Variants in UTRN observed in about 807,000 individuals in gnomAD.
UTRN encodes dystrophin-related protein 1.
A neutral mutation model predicts 463.9 loss-of-function variants in UTRN; 283 were observed. The ratio of observed to expected loss-of-function variants is 0.61; its 90% CI spans 0.55 to 0.67. The LOEUF (loss-of-function observed/expected upper bound fraction) is 0.67. UTRN is among the 30% of genes least tolerant of loss of function. The pLI, the probability that UTRN is intolerant of heterozygous loss-of-function variation, is 0.00. For synonymous variants in UTRN, 1,442 were observed against 1,431.5 expected (o/e 1.01, Z -0.17); for missense variants, 3,922 against 4,084.3 (o/e 0.96, Z 1.08).
At chr6:144,542,952 G>T (rs1173260195) in intron 46 of UTRN, 82 bp downstream of exon 46, 2 of 1,120,402 alleles carry the variant, frequency 1.8e-6, no homozygotes, top group East Asian at 2.6e-5. Flanking sequence ...ACATGAATTA[G>T]AAAGACTTAG....
intron 46 of UTRN, among the ~76,000 whole-genome samples, chr6:144,545,494 A>C (rs1298308588): frequency 6.6e-6 from 1 of 152,206 alleles, no homozygotes; most frequent in Non-Finnish European, 1.5e-5. Flanking sequence ...TGTTTCAAAC[A>C]TGCCAAGAAC....
At chr6:144,765,872 A>G (rs1054499186) in intron 58 of UTRN, among the ~76,000 whole-genome samples, 1 of 151,462 alleles carries the variant, frequency 6.6e-6, no homozygotes, top group Non-Finnish European at 1.5e-5. Context: ...ATCTTATTTG[A>G]ATTTTGGACA....
At chr6:144,712,271 C>T (rs901509638) in intron 53 of UTRN, among the ~76,000 whole-genome samples, 6 of 152,158 alleles carry the variant, frequency 3.9e-5, no homozygotes, top group Non-Finnish European at 8.8e-5. Flanking sequence ...CTGCACCTAC[C>T]TGCAACACCC....
At chr6:144,496,349 T>A (rs1349437645) in intron 33 of UTRN, among the ~76,000 whole-genome samples, 1 of 152,176 alleles carries the variant, frequency 6.6e-6, no homozygotes, top group Non-Finnish European at 1.5e-5. Context: ...GTGATTTTGA[T>A]CTCACTTCTG....
chr6:144,609,920 C>T (rs1382017946), intron 51 of UTRN, among the ~76,000 whole-genome samples: 1 of 151,844 alleles, frequency 6.6e-6, no homozygotes, highest in Non-Finnish European at 1.5e-5. Context: ...TTATGGGATG[C>T]AGCAAAATTA....
intron 63 of UTRN, among the ~76,000 whole-genome samples, chr6:144,795,264 T>G (rs759155234): frequency 2.0e-5 from 3 of 152,206 alleles, no homozygotes; most frequent in Non-Finnish European, 4.4e-5. Context: ...GTTTATCCAG[T>G]GTATCATTGA....
At position 144,440,426 on chromosome 6, in the gene UTRN, A is replaced by G. The variant is rs1430363556; in HGVS notation, c.1467A>G (p.Glu489=). 6.2e-6 allele frequency: 10 copies of G among 1,614,218 alleles called. No homozygotes were observed. Among genetic ancestry groups the G allele is most frequent in the Non-Finnish European group, 8.5e-6 (10 of 1,180,034 alleles). ...SLTHMVVIVD[E]NSGESATAIL... ...CTCACATGGTGGTCATTGTTGATGAAAACAGTGGTGAGAGTGCTACAGCTA... is the reference window on the plus strand; with the variant it reads ...CTCACATGGTGGTCATTGTTGATGAGAACAGTGGTGAGAGTGCTACAGCTA... The change falls in exon 13 of 75, where the codon GAA becomes GAG. Residue 489 remains glutamate, a synonymous_variant. Coordinates refer to ENST00000367545, the MANE Select transcript of UTRN (RefSeq NM_007124.3).
At chr6:144,644,207 C>A (rs1213116950) in intron 51 of UTRN, among the ~76,000 whole-genome samples, 1 of 152,164 alleles carries the variant, frequency 6.6e-6, no homozygotes. Flanking sequence ...AATCCTTATC[C>A]TCTTATGCCA....
At chr6:144,826,034 T>TA (rs1288556509) in intron 66 of UTRN, among the ~76,000 whole-genome samples, 1 of 148,602 alleles carries the variant, frequency 6.7e-6, no homozygotes, top group Non-Finnish European at 1.5e-5. Context: ...CATTAGGAGA[T>TA]ATACCTAATG....
intron 63 of UTRN, 81 bp downstream of exon 63, chr6:144,794,072 C>A: frequency 6.5e-7 from 1 of 1,527,778 alleles, no homozygotes. Context: ...ATAGGGAACT[C>A]GGGCTGGAGC....
intron 34 of UTRN, among the ~76,000 whole-genome samples, chr6:144,510,217 G>T (rs917881297): frequency 6.6e-6 from 1 of 152,100 alleles, no homozygotes; most frequent in African/African-American, 2.4e-5. Context: ...CTTTTTGATT[G>T]AAAGAGCTTT....
chr6:144,699,793 C>T (rs1202320003), intron 52 of UTRN, among the ~76,000 whole-genome samples: 1 of 149,040 alleles, frequency 6.7e-6, no homozygotes, highest in African/African-American at 2.4e-5. Context: ...AATATTATAG[C>T]CTATTCAAAA....
At chr6:144,508,766 T>C (rs899931053) in intron 34 of UTRN, among the ~76,000 whole-genome samples, 1 of 152,218 alleles carries the variant, frequency 6.6e-6, no homozygotes, top group Admixed American at 6.5e-5. Flanking sequence ...TATTTTGGTG[T>C]ATTTCGTGAG....
intron 13 of UTRN, among the ~76,000 whole-genome samples, chr6:144,440,754 C>G (rs1027729153): frequency 6.6e-6 from 1 of 152,052 alleles, no homozygotes; most frequent in African/African-American, 2.4e-5. Flanking sequence ...TGTATTAGTC[C>G]GTTTTCACAC....
At position 144,438,806 on chromosome 6, in the gene UTRN, A is replaced by G. The variant is rs760592691; in HGVS notation, c.1303A>G (p.Thr435Ala). The G allele has an allele frequency of 3.7e-6, 6 of 1,614,122 alleles. No individual in the cohort carries two copies. Among genetic ancestry groups the G allele is most frequent in the Non-Finnish European group, 5.1e-6 (6 of 1,180,054 alleles). ...ACTGCAGCAGCTCTCCGCCTGGTTAACACTCACAGAGGAGCGCATTCAGAA... is the reference window on the plus strand; with the variant it reads ...ACTGCAGCAGCTCTCCGCCTGGTTAGCACTCACAGAGGAGCGCATTCAGAA... ...KQLQQLSAWLTLTEERIQKME... is the reference protein window; with the variant it reads ...KQLQQLSAWLALTEERIQKME... Residue 435 changes from threonine to alanine, a missense_variant, in exon 12 of 75, where the codon ACA becomes GCA. Coordinates refer to ENST00000367545, the MANE Select transcript of UTRN (RefSeq NM_007124.3).
At chr6:144,317,600 T>C (rs1232634978) in intron 2 of UTRN, among the ~76,000 whole-genome samples, 1 of 152,148 alleles carries the variant, frequency 6.6e-6, no homozygotes, top group Admixed American at 6.5e-5. Context: ...TTTCACCATG[T>C]TGGCCAGGTT....
intron 50 of UTRN, among the ~76,000 whole-genome samples, chr6:144,558,934 A>G (rs1440871735): frequency 6.6e-6 from 1 of 152,190 alleles, no homozygotes; most frequent in Non-Finnish European, 1.5e-5. Flanking sequence ...AATTATTTGC[A>G]TAATATAGCT....
intron 2 of UTRN, among the ~76,000 whole-genome samples, chr6:144,319,601 T>C (rs1337808605): frequency 6.6e-6 from 1 of 152,202 alleles, no homozygotes; most frequent in African/African-American, 2.4e-5. Context: ...TTTTTCTTTT[T>C]CTGTTGCCCA....
At chr6:144,815,071 A>G (rs1489909955) in intron 65 of UTRN, among the ~76,000 whole-genome samples, 3 of 152,224 alleles carry the variant, frequency 2.0e-5, no homozygotes, top group Non-Finnish European at 4.4e-5. Context: ...AGACTGTTAG[A>G]GTCACATTAA....
Sources: allele counts gnomAD v4.1 joint callset (sites outside exome capture counted in the v4.1 genomes callset), GRCh38; gene constraint gnomAD v4.1.1; transcripts MANE v1.5; gene names NCBI Gene and HGNC (gene_info 2026-07-23, HGNC 2026-07-21).